The following SLC24A2 variants were observed in gnomAD, a reference collection of about 807,000 sequenced individuals.
SLC24A2 encodes sodium/potassium/calcium exchanger 2.
SLC24A2 carries 36 observed loss-of-function variants against 62.0 expected under a neutral mutation model. The observed-to-expected ratio is 0.58, with a 90% CI of 0.44 to 0.77. The LOEUF (loss-of-function observed/expected upper bound fraction) is 0.77. Ranked by LOEUF, SLC24A2 falls within the 30% of genes least tolerant of loss-of-function variation. SLC24A2 has a pLI of 0.00. For missense variants in SLC24A2, 846 were observed against 817.9 expected (o/e 1.03, Z -0.42); for synonymous variants, 358 against 294.0 (o/e 1.22, Z -2.23).
chr9:20,061,675 A>G, the SLC24A2 span, among the ~76,000 whole-genome samples: 4 of 152,224 alleles, frequency 2.6e-5, no homozygotes, highest in Non-Finnish European at 5.9e-5. Flanking sequence ...CACCACATAC[A>G]AACTTTAATT....
At chr9:19,958,188 G>A in the SLC24A2 span, 1 of 152,166 alleles carries the variant, frequency 6.6e-6, no homozygotes, top group Non-Finnish European at 1.5e-5. Flanking sequence ...CTCGTGGGGA[G>A]GGATATCTTG....
At chr9:20,141,058 C>A in the SLC24A2 span, among the ~76,000 whole-genome samples, 1 of 152,104 alleles carries the variant, frequency 6.6e-6, no homozygotes, top group Non-Finnish European at 1.5e-5. Context: ...TATTTTATGG[C>A]TTTGGGAGCA....
chr9:20,226,540 G>T, the SLC24A2 span, among the ~76,000 whole-genome samples: 1 of 152,126 alleles, frequency 6.6e-6, no homozygotes, highest in Non-Finnish European at 1.5e-5. Context: ...CATTTGGCAG[G>T]TGGGCGGCCA....
chr9:19,612,042 G>C (rs1267280914), intron 4 of SLC24A2, among the ~76,000 whole-genome samples: 3 of 152,206 alleles, frequency 2.0e-5, no homozygotes, highest in East Asian at 3.9e-4. Context: ...AAACCACTTG[G>C]GGTCTCAGTT....
chr9:20,155,413 T>C, the SLC24A2 span, among the ~76,000 whole-genome samples: 1 of 151,810 alleles, frequency 6.6e-6, no homozygotes, highest in Non-Finnish European at 1.5e-5. Context: ...GCTGAATTTA[T>C]AGAACAAGAT....
chr9:19,791,834 A>T (rs1432940636), upstream of SLC24A2, among the ~76,000 whole-genome samples: 1 of 152,216 alleles, frequency 6.6e-6, no homozygotes, highest in Non-Finnish European at 1.5e-5. Context: ...AGAAATTATT[A>T]AGGAGCTACT....
At chr9:20,206,101 G>A in the SLC24A2 span, among the ~76,000 whole-genome samples, 2 of 152,176 alleles carry the variant, frequency 1.3e-5, no homozygotes, top group African/African-American at 4.8e-5. Context: ...ATTTTTATGT[G>A]ACAGAGTATA....
At chr9:20,203,396 C>T in the SLC24A2 span, among the ~76,000 whole-genome samples, 6 of 152,162 alleles carry the variant, frequency 3.9e-5, no homozygotes, top group African/African-American at 1.2e-4. Context: ...TTCAGCTCCA[C>T]GGTATACCAA....
At chr9:20,226,797 A>C in the SLC24A2 span, among the ~76,000 whole-genome samples, 3 of 152,346 alleles carry the variant, frequency 2.0e-5, no homozygotes, top group East Asian at 3.9e-4. Context: ...CAACTTGTGT[A>C]ATCTCTATCA....
chr9:20,034,048 G>C, the SLC24A2 span, among the ~76,000 whole-genome samples: 1 of 152,086 alleles, frequency 6.6e-6, no homozygotes, highest in Non-Finnish European at 1.5e-5. Context: ...GTAACAGTGA[G>C]GACAAAGTTG....
At chr9:19,645,997 A>G (rs1818628908) in intron 2 of SLC24A2, among the ~76,000 whole-genome samples, 1 of 152,198 alleles carries the variant, frequency 6.6e-6, no homozygotes, top group Admixed American at 6.5e-5. Context: ...TTCTGGCTAC[A>G]GCTTCTCCAC....
chr9:20,116,508 C>T, the SLC24A2 span, among the ~76,000 whole-genome samples: 1 of 152,176 alleles, frequency 6.6e-6, no homozygotes, highest in East Asian at 1.9e-4. Context: ...CTTCGCTCTT[C>T]GTAGTTCTCC....
At chr9:19,819,414 CCA>C in the SLC24A2 span, among the ~76,000 whole-genome samples, 370 of 152,136 alleles carry the variant, frequency 2.4e-3, 1 homozygote, top group African/African-American at 8.0e-3. Context: ...AACAGACAAC[CCA>C]CAGAGTGGGA....
At chr9:19,601,038 C>T (rs1048455509) in intron 4 of SLC24A2, among the ~76,000 whole-genome samples, 7 of 151,998 alleles carry the variant, frequency 4.6e-5, no homozygotes, top group South Asian at 2.1e-4. Context: ...GATTGTAAAA[C>T]GCACCAATCA....
intron 2 of SLC24A2, among the ~76,000 whole-genome samples, chr9:19,630,269 T>C (rs1026998377): frequency 6.6e-6 from 1 of 152,142 alleles, no homozygotes; most frequent in Non-Finnish European, 1.5e-5. Flanking sequence ...CTTGTGTCTA[T>C]AAAATTATAA....
chr9:19,629,197 G>A (rs1257858878), intron 2 of SLC24A2, among the ~76,000 whole-genome samples: 7 of 152,314 alleles, frequency 4.6e-5, no homozygotes, highest in African/African-American at 1.7e-4. Flanking sequence ...TACGAACTCA[G>A]ACAGTTGGGC....
the SLC24A2 span, among the ~76,000 whole-genome samples, chr9:20,080,880 C>T: frequency 2.0e-5 from 3 of 152,104 alleles, 1 homozygote; most frequent in South Asian, 6.2e-4. Flanking sequence ...TGAAAAAATG[C>T]TCACCATCAC....
At chr9:19,837,345 G>A in the SLC24A2 span, among the ~76,000 whole-genome samples, 9 of 150,616 alleles carry the variant, frequency 6.0e-5, no homozygotes, top group South Asian at 1.3e-3. Flanking sequence ...CCAGCTACTC[G>A]GGAGGCTGAG....
chr9:19,888,931 G>T, the SLC24A2 span, among the ~76,000 whole-genome samples: 4 of 152,156 alleles, frequency 2.6e-5, no homozygotes, highest in Admixed American at 2.0e-4. Flanking sequence ...ATCTAACCCT[G>T]TGACACAGGT....
Sources: gnomAD v4.1 joint callset for allele counts (sites outside exome capture counted in the v4.1 genomes callset) on GRCh38, gnomAD v4.1.1 for gene constraint, MANE v1.5 for transcripts, NCBI Gene and HGNC (gene_info 2026-07-23, HGNC 2026-07-21) for gene names.